RAB30: variants seen among roughly 807,000 people sequenced by gnomAD.
RAB30 encodes ras-related protein Rab-30.
RAB30 carries 9 observed loss-of-function variants against 25.1 expected under a neutral mutation model. The ratio of observed to expected loss-of-function variants is 0.36; its 90% CI spans 0.22 to 0.63. RAB30 has a LOEUF of 0.63. RAB30 is among the 20% of genes least tolerant of loss of function. The pLI is 0.69. For missense variants in RAB30, 140 were observed against 243.5 expected, an observed-to-expected ratio of 0.58 and a Z score of 2.83; for synonymous variants, 77 against 86.4, an observed-to-expected ratio of 0.89 and a Z score of 0.60.
In RAB30 at chr11:82,973,602, A is replaced by G. The variant is rs1856491830; in HGVS notation, c.*8563T>C. The G allele has an allele frequency of 6.6e-6, 1 of 152,216 alleles. No individual in the cohort carries two copies. Among genetic ancestry groups the G allele is most frequent in the Non-Finnish European group, 1.5e-5 (1 of 68,028 alleles). 9.4% of individuals were successfully genotyped at this position (152,216 alleles called of 1,614,324 possible). A position where few individuals can be genotyped will look rare whatever the true frequency, so the allele number is the denominator to read the frequency against. On this transcript the variant is annotated 3_prime_UTR_variant, in exon 5 of 5. Transcript: ENST00000527633. ...TCACATCTAAATGACAGGCTCATAGAAAAATTCTTATGGATGTATTGGGGA... is the reference window on the plus strand; with the variant it reads ...TCACATCTAAATGACAGGCTCATAGGAAAATTCTTATGGATGTATTGGGGA...
At chr11:83,009,863 G>T (rs934981611) in intron 1 of RAB30, among the ~76,000 whole-genome samples, 3 of 152,104 alleles carry the variant, frequency 2.0e-5, no homozygotes, top group Admixed American at 6.5e-5. Context: ...CCCAGCAAGA[G>T]GAAAATTCTG....
intron 1 of RAB30, among the ~76,000 whole-genome samples, chr11:83,047,189 G>A (rs1489077847): frequency 2.1e-5 from 3 of 146,210 alleles, no homozygotes; most frequent in African/African-American, 7.8e-5. Flanking sequence ...CAGGGTGGAC[G>A]CCACAATGAG....
rs1486186715 is a variant in RAB30, at chr11:82,980,581, T to C, written c.*1584A>G. ...TATTCCATTACTCATCCCTCAGTTA[T>C]GCTAAGCAGCAAGCTACAGAAACAT... On this transcript the variant is annotated 3_prime_UTR_variant, in exon 5 of 5. Transcript: ENST00000527633. The C allele has an allele frequency of 1.3e-5, 2 of 152,246 alleles. No individual in the cohort carries two copies. The highest frequency in any genetic ancestry group is 6.5e-5 in the Admixed American group (1 of 15,278). 9.4% of individuals were successfully genotyped at this position (152,246 alleles called of 1,614,324 possible). A position where few individuals can be genotyped will look rare whatever the true frequency, so the allele number is the denominator to read the frequency against.
chr11:83,048,636 T>C (rs1223444394), intron 1 of RAB30, among the ~76,000 whole-genome samples: 1 of 152,114 alleles, frequency 6.6e-6, no homozygotes, highest in Non-Finnish European at 1.5e-5. Context: ...TGCTGACCTT[T>C]CTATGAACCT....
At chr11:83,010,241 A>C (rs1379066092) in intron 1 of RAB30, among the ~76,000 whole-genome samples, 2 of 152,224 alleles carry the variant, frequency 1.3e-5, no homozygotes, top group Non-Finnish European at 2.9e-5. Flanking sequence ...GCTTGAGGCC[A>C]GGAGTTTGAG....
At chr11:83,049,996 G>T (rs184524398) in intron 1 of RAB30, among the ~76,000 whole-genome samples, 160 of 152,274 alleles carry the variant, frequency 1.1e-3, no homozygotes, top group Non-Finnish European at 1.6e-3. Context: ...GGTGGCTCAT[G>T]CCTATAATCC....
At chr11:83,020,242 C>T (rs905897939) in intron 1 of RAB30, among the ~76,000 whole-genome samples, 2 of 152,248 alleles carry the variant, frequency 1.3e-5, no homozygotes, top group Non-Finnish European at 2.9e-5. Context: ...GGAAGGCCCC[C>T]GCTTGCCTGT....
intron 1 of RAB30, among the ~76,000 whole-genome samples, chr11:83,011,280 T>G (rs773292793): frequency 2.6e-5 from 4 of 152,384 alleles, no homozygotes; most frequent in Admixed American, 2.0e-4. Context: ...GGTTTGGTTT[T>G]GTTTTGATCG....
At chr11:83,040,170 T>C (rs1858075902) in intron 1 of RAB30, among the ~76,000 whole-genome samples, 2 of 152,156 alleles carry the variant, frequency 1.3e-5, no homozygotes, top group African/African-American at 4.8e-5. Flanking sequence ...AAGGCTACCC[T>C]TGGGAAATAA....
chr11:83,040,565 C>G (rs1012646809), intron 1 of RAB30, among the ~76,000 whole-genome samples: 9 of 149,226 alleles, frequency 6.0e-5, no homozygotes, highest in Non-Finnish European at 5.9e-5. Flanking sequence ...GCACTCCAGC[C>G]TGGGCAACAA....
At chr11:83,055,493 A>C (rs1411701903) in intron 1 of RAB30, among the ~76,000 whole-genome samples, 1 of 152,158 alleles carries the variant, frequency 6.6e-6, no homozygotes, top group Non-Finnish European at 1.5e-5. Context: ...AATTTTATCC[A>C]TCTTCTGCTG....
At chr11:83,040,289 T>C (rs917690482) in intron 1 of RAB30, among the ~76,000 whole-genome samples, 1 of 152,176 alleles carries the variant, frequency 6.6e-6, no homozygotes, top group Non-Finnish European at 1.5e-5. Flanking sequence ...AGTGATCACA[T>C]TGAATAACAC....
chr11:83,015,113 C>T (rs764996008), intron 1 of RAB30, among the ~76,000 whole-genome samples: 1 of 152,110 alleles, frequency 6.6e-6, no homozygotes, highest in African/African-American at 2.4e-5. Context: ...TGTAAGGCCA[C>T]GTAGAGGCTT....
At chr11:83,039,139 A>G (rs565994719) in intron 1 of RAB30, 1 of 152,368 alleles carries the variant, frequency 6.6e-6, no homozygotes, top group South Asian at 2.1e-4. Context: ...TGTTGAATTA[A>G]CAAACAATTC....
chr11:83,022,490 T>A (rs902938669), intron 1 of RAB30, among the ~76,000 whole-genome samples: 1 of 152,168 alleles, frequency 6.6e-6, no homozygotes, highest in African/African-American at 2.4e-5. Context: ...AACTGCTAGA[T>A]CCCTTCCCTA....
chr11:82,995,352 C>G (rs143436767), intron 2 of RAB30, among the ~76,000 whole-genome samples: 1 of 152,324 alleles, frequency 6.6e-6, no homozygotes, highest in East Asian at 1.9e-4. Context: ...CAATTTTCTT[C>G]TATTTTGGCT....
At chr11:83,050,129 G>A (rs1858324701) in intron 1 of RAB30, among the ~76,000 whole-genome samples, 1 of 152,160 alleles carries the variant, frequency 6.6e-6, no homozygotes, top group South Asian at 2.1e-4. Context: ...TGGGCATGGT[G>A]GTGCATGCCT....
chr11:83,013,440 A>C (rs1590852579), intron 1 of RAB30, among the ~76,000 whole-genome samples: 2 of 151,796 alleles, frequency 1.3e-5, no homozygotes, highest in Admixed American at 6.5e-5. Context: ...CTAGGCCTTA[A>C]GGACAGAGGC....
In RAB30 at chr11:82,974,346, G is replaced by C. The variant is rs1473984189; in HGVS notation, c.*7819C>G. 2 of 151,966 alleles carry C rather than the reference G, an allele frequency of 1.3e-5. No homozygotes were observed. The highest frequency in any genetic ancestry group is 1.3e-4 in the Admixed American group (2 of 15,260). The allele number at this position is 151,966 out of a possible 1,614,324, so 9.4% of individuals were successfully genotyped here. A position where few individuals can be genotyped will look rare whatever the true frequency, so the allele number is the denominator to read the frequency against. ...CCACTTCCCTTTTTTAATGTTGATT[G>C]AATTTTTCATACAATCACCTTTCTA... On this transcript the variant is annotated 3_prime_UTR_variant, in exon 5 of 5. Coordinates refer to ENST00000527633, the MANE Select transcript of RAB30 (RefSeq NM_001286060.2).
Sources: gnomAD v4.1 joint callset for allele counts (sites outside exome capture counted in the v4.1 genomes callset) on GRCh38, gnomAD v4.1.1 for gene constraint, MANE v1.5 for transcripts, NCBI Gene and HGNC (gene_info 2026-07-23, HGNC 2026-07-21) for gene names.